RAB37: variants seen among roughly 807,000 people sequenced by gnomAD.
RAB37 encodes RAB37, member RAS oncogene family.
A neutral mutation model predicts 33.1 loss-of-function variants in RAB37; 29 were observed. The observed-to-expected ratio is 0.88, with a 90% CI of 0.65 to 1.20. The LOEUF (loss-of-function observed/expected upper bound fraction) is 1.20, where lower values mean the gene tolerates loss of function less well. RAB37 is among the 50% of genes most tolerant of loss of function. The pLI is 0.00. For missense variants in RAB37, 299 were observed against 301.1 expected (o/e 0.99, Z 0.05); for synonymous variants, 128 against 119.5 (o/e 1.07, Z -0.47).
chr17:74,671,301 G>A lies in RAB37; in HGVS notation c.-286G>A. 1 of 436,228 alleles carries A rather than the reference G, an allele frequency of 2.3e-6. No individual in the cohort carries two copies. 27.0% of individuals were successfully genotyped at this position (436,228 alleles called of 1,614,324 possible). Reference sequence around the variant, plus strand: ...TGCCAGCATCCTGGAGTCCTAAGAGGCAGGGATTGGAGCGGACAGGATCTC... The same window carrying A: ...TGCCAGCATCCTGGAGTCCTAAGAGACAGGGATTGGAGCGGACAGGATCTC... On this transcript the variant is annotated 5_prime_UTR_variant, in exon 1 of 8. Coordinates refer to the RAB37 transcript ENST00000340415. The surrounding 1 kb of genome is among the most constrained non-coding windows in gnomAD (Gnocchi z 5.0).
At chr17:74,726,126 T>C (rs954249991) in intron 1 of RAB37, among the ~76,000 whole-genome samples, 1 of 151,460 alleles carries the variant, frequency 6.6e-6, no homozygotes, top group Non-Finnish European at 1.5e-5. Context: ...TCCCAGCTAC[T>C]TGGGAGGCTG....
At chr17:74,715,603 C>G (rs944542635) in intron 1 of RAB37, among the ~76,000 whole-genome samples, 1 of 152,170 alleles carries the variant, frequency 6.6e-6, no homozygotes, top group African/African-American at 2.4e-5. Flanking sequence ...GTGGGGTAAG[C>G]TTTCTTCTCC....
At chr17:74,736,824 G>T (rs1450422505), upstream of RAB37, 8 of 1,533,848 alleles carry the variant, frequency 5.2e-6, no homozygotes, top group Non-Finnish European at 7.0e-6. Context: ...ATCGGCGGAG[G>T]CGCAGCCCAG....
rs1404569612 is a variant in RAB37 at position 74,671,975 on chromosome 17, C to T, written c.72+317C>T. The stretch of plus-strand genomic sequence containing the variant: ...GACCCCTGGCACCTTGCTCTCCTAA[C>T]CCTTGTAGGAGACTGCATTTCTCCC... On this transcript the variant is annotated intron_variant, in intron 1 of 7. Coordinates refer to the RAB37 transcript ENST00000340415. The surrounding 1 kb of genome is among the most constrained non-coding windows in gnomAD (Gnocchi z 5.0). Among the ~76,000 whole-genome samples, 1 of 152,132 alleles carries T rather than the reference C, an allele frequency of 6.6e-6. No individual in the cohort carries two copies. The highest frequency in any genetic ancestry group is 1.5e-5 in the Non-Finnish European group (1 of 68,016).
chr17:74,689,139 A>G (rs1391619242), intron 1 of RAB37, among the ~76,000 whole-genome samples: 3 of 152,170 alleles, frequency 2.0e-5, no homozygotes, highest in Non-Finnish European at 4.4e-5. Flanking sequence ...TCTCTACTAA[A>G]AATACAAAAT....
upstream of RAB37, among the ~76,000 whole-genome samples, chr17:74,734,958 AG>A (rs1318745420): frequency 4.0e-4 from 58 of 143,290 alleles, no homozygotes; most frequent in African/African-American, 1.5e-3. Flanking sequence ...GAGAGAAAGA[AG>A]AAAGAAAGAA....
intron 1 of RAB37, among the ~76,000 whole-genome samples, chr17:74,713,776 TA>T (rs1475875256): frequency 6.6e-6 from 1 of 151,452 alleles, no homozygotes; most frequent in Non-Finnish European, 1.5e-5. Flanking sequence ...AACCCCAGAC[TA>T]CAAGGCCAGG....
chr17:74,701,690 G>T (rs1430658723), intron 1 of RAB37, among the ~76,000 whole-genome samples: 4 of 151,866 alleles, frequency 2.6e-5, no homozygotes, highest in Non-Finnish European at 5.9e-5. Flanking sequence ...AAACCCCATC[G>T]CTACTAAAAA....
chr17:74,671,624 C>G lies in RAB37; in HGVS notation c.38C>G (p.Ala13Gly), dbSNP rs777689727. ...AGACCCGATTCCTACCAGGGAGGAG[C>G]TGGCCCTGACTTCAACGACCACGTC... Residue 13 changes from alanine to glycine, a missense_variant, in exon 1 of 8, where the codon GCT becomes GGT. By Grantham distance (60) the Ala-to-Gly change is moderately conservative. Coordinates refer to the RAB37 transcript ENST00000340415. This position sits in a 1 kb window ranked among gnomAD's most constrained non-coding sequence, Gnocchi z 5.0. 2 of 1,614,122 alleles carry G rather than the reference C, an allele frequency of 1.2e-6. No individual in the cohort carries two copies. The highest frequency in any genetic ancestry group is 1.7e-6 in the Non-Finnish European group (2 of 1,180,036).
intron 1 of RAB37, among the ~76,000 whole-genome samples, chr17:74,682,530 A>T (rs1011442049): frequency 6.6e-6 from 1 of 152,194 alleles, no homozygotes; most frequent in African/African-American, 2.4e-5. Flanking sequence ...AGAGGGTAGA[A>T]CATGATGGAC....
At chr17:74,740,213 A>C (rs1184315038) in intron 1 of RAB37, among the ~76,000 whole-genome samples, 1 of 152,174 alleles carries the variant, frequency 6.6e-6, no homozygotes, top group Non-Finnish European at 1.5e-5. Context: ...TGTGACACAA[A>C]AAAAAAAACC....
At chr17:74,695,587 G>A in intron 1 of RAB37, 1 of 1,262,710 alleles carries the variant, frequency 7.9e-7, no homozygotes, top group Non-Finnish European at 1.1e-6. Context: ...GGCGAGTCCT[G>A]CAGTGACTAT....
chr17:74,734,222 A>T (rs2034433669), upstream of RAB37, among the ~76,000 whole-genome samples: 1 of 152,128 alleles, frequency 6.6e-6, no homozygotes, highest in African/African-American at 2.4e-5. Flanking sequence ...AGTCCTTGGC[A>T]TTCCTTGGCT....
intron 1 of RAB37, among the ~76,000 whole-genome samples, chr17:74,708,782 G>A (rs1429382134): frequency 6.6e-6 from 1 of 152,066 alleles, no homozygotes; most frequent in African/African-American, 2.4e-5. Flanking sequence ...CAGGCGTGGT[G>A]GCGGGCGCCT....
At chr17:74,674,601 C>G (rs150873794) in intron 1 of RAB37, among the ~76,000 whole-genome samples, 3 of 151,996 alleles carry the variant, frequency 2.0e-5, no homozygotes, top group Non-Finnish European at 2.9e-5. Context: ...TCACTTGAAC[C>G]GAGGAGGTGG....
chr17:74,680,342 A>T (rs144408491), intron 1 of RAB37, among the ~76,000 whole-genome samples: 34 of 152,222 alleles, frequency 2.2e-4, no homozygotes, highest in African/African-American at 8.2e-4. Context: ...TCAGCTCTGT[A>T]GAGCTGGTTT....
chr17:74,677,196 C>T (rs2031853335), intron 1 of RAB37, among the ~76,000 whole-genome samples: 1 of 152,010 alleles, frequency 6.6e-6, no homozygotes, highest in Admixed American at 6.6e-5. Context: ...AAGTTAACAT[C>T]CATGAGAGAC....
At chr17:74,694,794 A>G in intron 1 of RAB37, 1 of 265,468 alleles carries the variant, frequency 3.8e-6, no homozygotes, top group Non-Finnish European at 7.1e-6. Context: ...ATGGTACTTC[A>G]TGATAATAAT....
chr17:74,736,466 C>T (rs1448315062), upstream of RAB37: 9 of 1,337,894 alleles, frequency 6.7e-6, no homozygotes, highest in Non-Finnish European at 8.8e-6. Context: ...CAGCTCTGCT[C>T]AAAATGATCT....
Sources: allele counts gnomAD v4.1 joint callset (sites outside exome capture counted in the v4.1 genomes callset), GRCh38; gene constraint gnomAD v4.1.1; non-coding constraint Gnocchi (gnomAD v3.1); transcripts MANE v1.5; gene names NCBI Gene and HGNC (gene_info 2026-07-23, HGNC 2026-07-21).